ANKRD7: variants seen among roughly 807,000 people sequenced by gnomAD.
The protein encoded by ANKRD7 is ankyrin repeat domain 7, also known as ankyrin repeat domain-containing protein 7.
In ANKRD7, 30 loss-of-function variants were observed where a neutral mutation model predicts 30.8. The ratio of observed to expected loss-of-function variants is 0.97; its 90% confidence interval spans 0.73 to 1.32. The LOEUF (loss-of-function observed/expected upper bound fraction) is 1.32, where lower values mean the gene tolerates loss of function less well. ANKRD7 is among the 40% of genes most tolerant of loss of function. The probability of loss-of-function intolerance (pLI) is 0.00; values close to 1 mark genes in which losing one functional copy is unlikely to be tolerated. For synonymous variants in ANKRD7, 97 were observed against 106.6 expected, an observed-to-expected ratio of 0.91 and a Z score of 0.55; for missense variants, 264 against 295.7, an observed-to-expected ratio of 0.89 and a Z score of 0.79.
rs763127691 is a variant in ANKRD7, at chr7:118,224,814, C to G, written c.-17C>G. 40 of 1,605,750 alleles carry G rather than the reference C, an allele frequency of 2.5e-5. No individual in the cohort carries two copies. In the Middle Eastern group the frequency reaches 7.1e-4, roughly 28 times the overall value. ...GAAACATCCTGGTCTGAGGGAAAGG[C>G]TGCAGCCTGCACCGCCATGAATAAG... On this transcript the variant is annotated 5_prime_UTR_variant, in exon 1 of 7. Transcript: ENST00000265224.
chr7:118,230,238 C>T (rs566533116), intron 1 of ANKRD7, among the ~76,000 whole-genome samples: 1 of 152,054 alleles, frequency 6.6e-6, no homozygotes, highest in Non-Finnish European at 1.5e-5. Context: ...ATGAAATTAT[C>T]TCTATCACAT....
chr7:118,229,639 T>A (rs1449092116), intron 1 of ANKRD7, among the ~76,000 whole-genome samples: 1 of 152,102 alleles, frequency 6.6e-6, no homozygotes, highest in African/African-American at 2.4e-5. Context: ...GAAAGTGTCA[T>A]GCTAACTGAA....
chr7:118,229,600 G>A (rs1445490740), intron 1 of ANKRD7, among the ~76,000 whole-genome samples: 2 of 151,996 alleles, frequency 1.3e-5, no homozygotes, highest in Admixed American at 1.3e-4. Context: ...AATGAATTAT[G>A]GATATATGCA....
In ANKRD7 at chr7:118,240,023, T is replaced by C. The variant is rs762512919; in HGVS notation, c.*37+25T>C. 7.0e-6 allele frequency: 9 copies of C among 1,281,036 alleles called. No individual in the cohort carries two copies. The South Asian group carries it at 1.1e-4, about 16-fold the overall frequency. The allele number at this position is 1,281,036 out of a possible 1,614,324, so 79.4% of individuals were successfully genotyped here. ...GGTAAGATTGCTAACTGGATTAGTGTTTTTTTCTTGTTGCTTTTTATTTGT... is the reference window on the plus strand; with the variant it reads ...GGTAAGATTGCTAACTGGATTAGTGCTTTTTTCTTGTTGCTTTTTATTTGT... On this transcript the variant is annotated intron_variant, in intron 6 of 6. Coordinates refer to ENST00000265224, the MANE Select transcript of ANKRD7 (RefSeq NM_019644.4).
chr7:118,231,784 T>C (rs1326299285), intron 1 of ANKRD7, among the ~76,000 whole-genome samples: 1 of 152,080 alleles, frequency 6.6e-6, no homozygotes, highest in African/African-American at 2.4e-5. Context: ...AATTTTTCCA[T>C]CGATATATGA....
rs1809692028 is a variant in ANKRD7 at position 118,234,425 on chromosome 7, A to G, written c.180-6A>G. The G allele has an allele frequency of 6.4e-7, 1 of 1,557,202 alleles. No homozygotes were observed. The highest frequency in any genetic ancestry group is 8.7e-7 in the Non-Finnish European group (1 of 1,149,272). On this transcript the variant is annotated splice_region_variant and splice_polypyrimidine_tract_variant and intron_variant, in intron 1 of 6. Coordinates refer to ENST00000265224, the MANE Select transcript of ANKRD7 (RefSeq NM_019644.4). ...TCTAACTTTGTGTTTTGTTTTATTG[A>G]CATAGAACACCTTTGCACCTAGCCT...
At chr7:118,236,268 G>A in intron 4 of ANKRD7, 121 bp downstream of exon 4, 1 of 551,288 alleles carries the variant, frequency 1.8e-6, no homozygotes, top group Admixed American at 3.6e-5. Flanking sequence ...ATGATATTGG[G>A]AAAATATAGA....
chr7:118,226,775 A>G (rs896062100), intron 1 of ANKRD7, among the ~76,000 whole-genome samples: 1 of 152,160 alleles, frequency 6.6e-6, no homozygotes, highest in Non-Finnish European at 1.5e-5. Flanking sequence ...CAATATTTTT[A>G]GGCTACATGT....
chr7:118,228,419 G>C (rs1317386128), intron 1 of ANKRD7, among the ~76,000 whole-genome samples: 2 of 152,110 alleles, frequency 1.3e-5, no homozygotes, highest in Non-Finnish European at 2.9e-5. Flanking sequence ...GTAGGGGAGG[G>C]AAAGAGGGAA....
chr7:118,235,665 C>T (rs1809716749), intron 3 of ANKRD7, among the ~76,000 whole-genome samples: 1 of 148,556 alleles, frequency 6.7e-6, no homozygotes, highest in Non-Finnish European at 1.5e-5. Flanking sequence ...ATTTTGTCCA[C>T]AGCCAAAATA....
At chr7:118,230,038 T>C (rs1398662680) in intron 1 of ANKRD7, among the ~76,000 whole-genome samples, 2 of 151,942 alleles carry the variant, frequency 1.3e-5, no homozygotes, top group African/African-American at 2.4e-5. Context: ...CTCAAAATAA[T>C]AAGGGACATC....
chr7:118,241,013 G>T (rs1338957011), intron 6 of ANKRD7, among the ~76,000 whole-genome samples: 12 of 149,702 alleles, frequency 8.0e-5, no homozygotes, highest in African/African-American at 2.7e-4. Flanking sequence ...AATTAGCCGG[G>T]CGCGGTGGCG....
chr7:118,230,548 A>G (rs1205460734), intron 1 of ANKRD7, among the ~76,000 whole-genome samples: 3 of 152,056 alleles, frequency 2.0e-5, no homozygotes, highest in Admixed American at 1.3e-4. Flanking sequence ...CAAAATTCAT[A>G]AAGTTGTACA....
intron 3 of ANKRD7, among the ~76,000 whole-genome samples, chr7:118,235,765 C>T (rs1163530243): frequency 6.6e-6 from 1 of 152,164 alleles, no homozygotes. Flanking sequence ...GCAATGCTTA[C>T]ATTAAATGCT....
chr7:118,231,596 A>G (rs915744456), intron 1 of ANKRD7, among the ~76,000 whole-genome samples: 13 of 152,114 alleles, frequency 8.5e-5, no homozygotes, highest in African/African-American at 1.4e-4. Context: ...ATGAGATTCA[A>G]TTGAAGGCTA....
chr7:118,227,071 C>G (rs940938214), intron 1 of ANKRD7, among the ~76,000 whole-genome samples: 27 of 151,908 alleles, frequency 1.8e-4, no homozygotes, highest in African/African-American at 6.0e-4. Flanking sequence ...TTACTGTCTT[C>G]CTTTGTATTT....
At chr7:118,235,475 C>T (rs1057410080) in intron 3 of ANKRD7, among the ~76,000 whole-genome samples, 2 of 151,670 alleles carry the variant, frequency 1.3e-5, no homozygotes, top group East Asian at 1.9e-4. Context: ...AGCTGGTCGT[C>T]GTGGTAGGCG....
Position 118,234,489 on chromosome 7 carries a change from G to C in ANKRD7, c.238G>C (p.Glu80Gln). The change falls in exon 2 of 7, where the codon GAG becomes CAG. Residue 80 changes from glutamate (E) to glutamine (Q), a missense_variant. Transcript: ENST00000265224. ...TACAGATGTTGTACTTTTCCTAATTGAGCAACAATGCAAAATAAATGTCCG... is the reference window on the plus strand; with the variant it reads ...TACAGATGTTGTACTTTTCCTAATTCAGCAACAATGCAAAATAAATGTCCG... The part of the protein sequence containing the change: ...GHTDVVLFLI[E>Q]QQCKINVRDS... The C allele has an allele frequency of 6.2e-7, 1 of 1,613,012 alleles. No homozygotes were observed. The highest frequency in any genetic ancestry group is 2.2e-5 in the East Asian group (1 of 44,764).
chr7:118,241,160 CAAAAAAAAAAAA>C (rs60703234), intron 6 of ANKRD7, among the ~76,000 whole-genome samples: 2 of 21,848 alleles, frequency 9.2e-5, no homozygotes, highest in Admixed American at 4.0e-4. Context: ...GACTCCGTCT[CAAAAAAAAAAAA>C]AAAAAAAAAA....
Sources: gnomAD v4.1 joint callset for allele counts (sites outside exome capture counted in the v4.1 genomes callset) on GRCh38, gnomAD v4.1.1 for gene constraint, MANE v1.5 for transcripts, NCBI Gene and HGNC (gene_info 2026-07-23, HGNC 2026-07-21) for gene names.